Variants in TRMU observed in about 807,000 individuals in gnomAD.
TRMU encodes the protein tRNA mitochondrial 2-thiouridylase, also known as mitochondrial tRNA-specific 2-thiouridylase 1.
TRMU carries 49 observed loss-of-function variants against 46.9 expected under a neutral mutation model. The ratio of observed to expected loss-of-function variants is 1.05; its 90% CI spans 0.83 to 1.33. The LOEUF is 1.33. Ranked by LOEUF, TRMU falls within the 40% of genes most tolerant of loss-of-function variation. The probability of loss-of-function intolerance (pLI) is 0.00; values close to 1 mark genes in which losing one functional copy is unlikely to be tolerated. For synonymous variants in TRMU, 241 were observed against 200.9 expected (o/e 1.20, Z -1.69); for missense variants, 572 against 532.4 (o/e 1.07, Z -0.73).
intron 8 of TRMU, chr22:46,354,300 A>G (rs907352460): frequency 2.2e-5 from 5 of 230,664 alleles, no homozygotes; most frequent in African/African-American, 1.1e-4. Flanking sequence ...TGGGGACCTT[A>G]CCACTGTGAC....
intron 2 of TRMU, among the ~76,000 whole-genome samples, chr22:46,341,708 G>C (rs186648569): frequency 6.6e-6 from 1 of 152,154 alleles, no homozygotes; most frequent in African/African-American, 2.4e-5. Context: ...CGAAGACTAT[G>C]AAATTCTTGG....
rs6008772 is a variant in TRMU, at chr22:46,353,449, G to A, written c.773-318G>A. The A allele has an allele frequency of 0.024, 8,927 of 365,834 alleles. 757 individuals carry two copies. Among genetic ancestry groups the A allele is most frequent in the African/African-American group, 0.17 (8,149 of 47,280 alleles). 22.7% of individuals were successfully genotyped at this position (365,834 alleles called of 1,614,324 possible). On this transcript the variant is annotated intron_variant, in intron 7 of 10. Coordinates refer to ENST00000645190, the MANE Select transcript of TRMU (RefSeq NM_018006.5). ...GGGCTCAGCAAGAAGGGCCCCTGGCGTCACACAGGGCACCCAGCCGCATCC... is the reference window on the plus strand; with the variant it reads ...GGGCTCAGCAAGAAGGGCCCCTGGCATCACACAGGGCACCCAGCCGCATCC...
Position 46,350,221 on chromosome 22 carries a change from A to G in TRMU, c.479-70A>G, listed in dbSNP as rs2078373397. On this transcript the variant is annotated intron_variant, in intron 4 of 10. Transcript: ENST00000645190. This position sits in a 1 kb window ranked among gnomAD's most constrained non-coding sequence, Gnocchi z 4.6. Reference sequence around the variant, plus strand: ...GGGGTAGTCTGTCTAAGTGAACAGAAGGACATTGTTGAAAGTGAAGTATCA... The same window carrying G: ...GGGGTAGTCTGTCTAAGTGAACAGAGGGACATTGTTGAAAGTGAAGTATCA... 1.3e-6 allele frequency: 2 copies of G among 1,592,858 alleles called. No homozygotes were observed. The highest frequency in any genetic ancestry group is 1.7e-6 in the Non-Finnish European group (2 of 1,162,274).
intron 2 of TRMU, among the ~76,000 whole-genome samples, chr22:46,340,126 T>TA (rs1372647564): frequency 6.6e-6 from 1 of 152,114 alleles, no homozygotes; most frequent in Non-Finnish European, 1.5e-5. Flanking sequence ...AGGTGCTTGT[T>TA]AAACACAGAC....
rs143655690 is a variant in TRMU at position 46,351,532 on chromosome 22, G to A, written c.652-589G>A. On this transcript the variant is annotated intron_variant, in intron 5 of 10. Coordinates refer to ENST00000645190, the MANE Select transcript of TRMU (RefSeq NM_018006.5). The surrounding 1 kb of genome is among the most constrained non-coding windows in gnomAD (Gnocchi z 6.4). ...TCCCTGAAGAGCACGCCCACCGCCC[G>A]TCCTCCTCTCCTCTTGTTTTCCGTT... The A allele has an allele frequency of 5.5e-4, 104 of 188,426 alleles. 1 individual carries two copies. Among genetic ancestry groups the A allele is most frequent in the Middle Eastern group, 2.5e-3 (1 of 396 alleles). The allele number at this position is 188,426 out of a possible 1,614,324, so 11.7% of individuals were successfully genotyped here. A position where few individuals can be genotyped will look rare whatever the true frequency, so the allele number is the denominator to read the frequency against.
In TRMU at chr22:46,351,903, C is replaced by A; in HGVS notation, c.652-218C>A. The A allele has an allele frequency of 1.5e-6, 1 of 675,406 alleles. No homozygotes were observed. Among genetic ancestry groups the A allele is most frequent in the Non-Finnish European group, 2.7e-6 (1 of 374,884 alleles). The allele number at this position is 675,406 out of a possible 1,614,324, so 41.8% of individuals were successfully genotyped here. ...GAGGGTCTCCCGCGCAGGGTCAGAC[C>A]CCGCGGGCCGAGACAATGAGGCGTT... is the stretch of plus-strand genomic sequence containing the variant. On this transcript the variant is annotated intron_variant, in intron 5 of 10. Transcript: ENST00000645190. This position sits in a 1 kb window ranked among gnomAD's most constrained non-coding sequence, Gnocchi z 6.4.
At position 46,339,691 on chromosome 22, in the gene TRMU, T is replaced by G. The variant is rs1398780149; in HGVS notation, c.248+1747T>G. On this transcript the variant is annotated intron_variant, in intron 2 of 10. Transcript: ENST00000645190. The surrounding 1 kb of genome is among the most constrained non-coding windows in gnomAD (Gnocchi z 4.8). ...CCATTGAAATAACAATAAAACGAAA[T>G]TTAGAGAGATTAAGTAAATTGACTA... Among the ~76,000 whole-genome samples, 3 of 151,988 alleles carry G rather than the reference T, an allele frequency of 2.0e-5. No individual in the cohort carries two copies. Among genetic ancestry groups the G allele is most frequent in the Non-Finnish European group, 4.4e-5 (3 of 68,012 alleles).
At position 46,351,034 on chromosome 22, in the gene TRMU, AGGACCCTGGGTGGGAAGCACCAGTG is replaced by A. The variant is rs1432883329; in HGVS notation, c.651+574_651+598del. Among the ~76,000 whole-genome samples the A allele has an allele frequency of 6.6e-6, 1 of 152,226 alleles. No individual in the cohort carries two copies. Among genetic ancestry groups the A allele is most frequent in the Non-Finnish European group, 1.5e-5 (1 of 68,040 alleles). ...AGAAAATGTCTACGGAGGGAGGTGT[AGGACCCTGGGTGGGAAGCACCAGTG>A]GGGTCTGAGAGTAGGGAATGGAGAT... On this transcript the variant is annotated intron_variant, in intron 5 of 10. Coordinates refer to ENST00000645190, the MANE Select transcript of TRMU (RefSeq NM_018006.5). This position sits in a 1 kb window ranked among gnomAD's most constrained non-coding sequence, Gnocchi z 6.4.
chr22:46,337,689 G>C (rs1381657203), intron 1 of TRMU, 90 bp from the exon 2 acceptor site: 3 of 1,529,746 alleles, frequency 2.0e-6, no homozygotes, highest in African/African-American at 2.7e-5. Flanking sequence ...GGAGCACAGC[G>C]TGTGGGGAAC....
chr22:46,343,894 G>C (rs2078186403), intron 3 of TRMU, among the ~76,000 whole-genome samples: 1 of 152,102 alleles, frequency 6.6e-6, no homozygotes, highest in African/African-American at 2.4e-5. Context: ...TTGTAAGCCA[G>C]GGGCCCAGTA....
chr22:46,346,005 C>G (rs2078246172), intron 3 of TRMU, among the ~76,000 whole-genome samples: 1 of 152,176 alleles, frequency 6.6e-6, no homozygotes, highest in Non-Finnish European at 1.5e-5. Context: ...TGAGCACAAG[C>G]AATCATCTGC....
chr22:46,353,985 A>C (rs758959305), intron 8 of TRMU, 118 bp downstream of exon 8: 1 of 888,764 alleles, frequency 1.1e-6, no homozygotes, highest in Non-Finnish European at 1.8e-6. Flanking sequence ...GCTGTGACTA[A>C]CTCTGTTCCT....
At position 46,348,938 on chromosome 22, in the gene TRMU, GC is replaced by G. The variant is rs1456951341; in HGVS notation, c.479-1351del. Among the ~76,000 whole-genome samples, 2 of 151,998 alleles carry G rather than the reference GC, an allele frequency of 1.3e-5. No homozygotes were observed. Among genetic ancestry groups the G allele is most frequent in the African/African-American group, 4.8e-5 (2 of 41,386 alleles). ...TCATGAGGTCAGGAGTTCCAGACCA[GC>G]CTGGCCAACATGGTGAAACCCCATC... On this transcript the variant is annotated intron_variant, in intron 4 of 10. Transcript: ENST00000645190. This position sits in a 1 kb window ranked among gnomAD's most constrained non-coding sequence, Gnocchi z 4.8.
intron 1 of TRMU, 121 bp downstream of exon 1, chr22:46,335,967 G>T: frequency 6.8e-7 from 1 of 1,481,120 alleles, no homozygotes; most frequent in Non-Finnish European, 9.0e-7. Flanking sequence ...GCGCGGGTCG[G>T]CAGGAGGATA....
intron 4 of TRMU, among the ~76,000 whole-genome samples, chr22:46,346,956 G>T (rs1388746191): frequency 6.6e-6 from 1 of 152,262 alleles, no homozygotes; most frequent in East Asian, 1.9e-4. Context: ...AACGTGCTGT[G>T]AGCACAGGAC....
At position 46,357,331 on chromosome 22, in the gene TRMU, T is replaced by A. The variant is rs1376513581; in HGVS notation, c.*325T>A. ...CGGGACAGCGTGGAATAAACATTAT[T>A]TCAAGGACACATAGTCTGATCGCTG... On this transcript the variant is annotated 3_prime_UTR_variant, in exon 11 of 11. Coordinates refer to ENST00000645190, the MANE Select transcript of TRMU (RefSeq NM_018006.5). 4.6e-6 allele frequency: 2 copies of A among 431,142 alleles called. No homozygotes were observed. The highest frequency in any genetic ancestry group is 4.0e-5 in the African/African-American group (2 of 49,414). The allele number at this position is 431,142 out of a possible 1,614,324, so 26.7% of individuals were successfully genotyped here.
At chr22:46,353,557 A>C (rs2078501528) in intron 7 of TRMU, 6 of 504,390 alleles carry the variant, frequency 1.2e-5, no homozygotes, top group Non-Finnish European at 7.5e-6. Flanking sequence ...ACCACACCCC[A>C]TGTCCAGCCC....
rs144127484 is a variant in TRMU at position 46,337,076 on chromosome 22, G to A, written c.83-703G>A. 1.9e-3 allele frequency among the ~76,000 whole-genome samples: 282 copies of A among 152,292 alleles called. 1 individual carries two copies. The highest frequency in any genetic ancestry group is 6.3e-3 in the African/African-American group (260 of 41,552). The stretch of plus-strand genomic sequence containing the variant: ...TGATCTGGGATAGGGGTGGTCTTTC[G>A]CGTGTGGTGGTGTAGTTTTGACAAA... On this transcript the variant is annotated intron_variant, in intron 1 of 10. Coordinates refer to ENST00000645190, the MANE Select transcript of TRMU (RefSeq NM_018006.5).
Position 46,348,842 on chromosome 22 carries a change from G to A in TRMU, c.479-1449G>A, listed in dbSNP as rs894930162. Among the ~76,000 whole-genome samples, 4 of 152,170 alleles carry A rather than the reference G, an allele frequency of 2.6e-5. No individual in the cohort carries two copies. Among genetic ancestry groups the A allele is most frequent in the African/African-American group, 9.7e-5 (4 of 41,426 alleles). ...GACTGCAGTTAGTTTGGGATTGAAA[G>A]TGGACTCTGAGGCCAGGTGCGGTGG... On this transcript the variant is annotated intron_variant, in intron 4 of 10. Coordinates refer to ENST00000645190, the MANE Select transcript of TRMU (RefSeq NM_018006.5). This position sits in a 1 kb window ranked among gnomAD's most constrained non-coding sequence, Gnocchi z 4.8.
Sources: gnomAD v4.1 joint callset for allele counts (sites outside exome capture counted in the v4.1 genomes callset) on GRCh38, gnomAD v4.1.1 for gene constraint, Gnocchi (gnomAD v3.1) non-coding constraint, MANE v1.5 for transcripts, NCBI Gene and HGNC (gene_info 2026-07-23, HGNC 2026-07-21) for gene names.